Variants in IQCH observed in about 807,000 individuals in gnomAD.
IQCH encodes IQ motif containing H.
Under a neutral mutation model 117.0 loss-of-function variants are expected in IQCH, and 98 were observed. That is an observed-to-expected ratio of 0.84 (90% confidence interval 0.71 to 0.99). IQCH has a LOEUF of 0.99. Among genes scored for constraint, IQCH ranks in the 50% least tolerant of loss-of-function variants. IQCH has a pLI of 0.00. For synonymous variants in IQCH, 412 were observed against 448.2 expected, an observed-to-expected ratio of 0.92 and a Z score of 1.02; for missense variants, 1,102 against 1,243.8, an observed-to-expected ratio of 0.89 and a Z score of 1.72.
chr15:67,466,639 C>A lies in IQCH; in HGVS notation c.2676+1342C>A, dbSNP rs1257493975. Reference sequence around the variant, plus strand: ...GGGGCTCAGGCAGCTTTTTCCTTTCCCTCTTCTTCATCCAGTTGCCCAATC... The same window carrying A: ...GGGGCTCAGGCAGCTTTTTCCTTTCACTCTTCTTCATCCAGTTGCCCAATC... On this transcript the variant is annotated intron_variant, in intron 17 of 20. Coordinates refer to ENST00000335894, the MANE Select transcript of IQCH (RefSeq NM_001031715.3). This position sits in a 1 kb window ranked among gnomAD's most constrained non-coding sequence, Gnocchi z 4.4. 6.6e-6 allele frequency: 1 copy of A among 152,366 alleles called. No individual in the cohort carries two copies. The highest frequency in any genetic ancestry group is 6.5e-5 in the Admixed American group (1 of 15,278). 9.4% of individuals were successfully genotyped at this position (152,366 alleles called of 1,614,324 possible).
At chr15:67,400,684 G>A (rs999236398) in intron 14 of IQCH, among the ~76,000 whole-genome samples, 9 of 150,490 alleles carry the variant, frequency 6.0e-5, no homozygotes, top group Admixed American at 5.3e-4. Context: ...TTATTGGGAC[G>A]GGGAGGGTCT....
At position 67,465,136 on chromosome 15, in the gene IQCH, A is replaced by G; in HGVS notation, c.2515A>G (p.Thr839Ala). The G allele has an allele frequency of 1.2e-6, 2 of 1,613,964 alleles. No individual in the cohort carries two copies. Among genetic ancestry groups the G allele is most frequent in the South Asian group, 1.1e-5 (1 of 91,040 alleles). Residue 839 changes from threonine to alanine, a missense_variant, in exon 17 of 21, where the codon ACC (threonine) becomes GCC (alanine). Thr to Ala is a moderately conservative substitution (Grantham distance 58). This residue lies in a region of IQCH where 650 missense variants were observed against 794.3 expected (regional missense o/e 0.82). Transcript: ENST00000335894. This position sits in a 1 kb window ranked among gnomAD's most constrained non-coding sequence, Gnocchi z 5.9. The stretch of plus-strand genomic sequence containing the variant: ...CTCCTGTTTTAATCAGGTGTGGGCA[A>G]CCGGCCTTAACCTCGCATATAGTGA... ...PSTLEQQVWA[T>A]GLNLAYSDQL... is the part of the protein sequence containing the mutation.
At position 67,432,627 on chromosome 15, in the gene IQCH, C is replaced by T. The variant is rs1057472751; in HGVS notation, c.2505+11050C>T. On this transcript the variant is annotated intron_variant, in intron 16 of 20. Coordinates refer to ENST00000335894, the MANE Select transcript of IQCH (RefSeq NM_001031715.3). The surrounding 1 kb of genome is among the most constrained non-coding windows in gnomAD (Gnocchi z 5.0). ...GTCACAGGAGCCCTCAGCAGGTGCT[C>T]AAACTGTGAGTTGAATCAGAATTGA... Among the ~76,000 whole-genome samples the T allele has an allele frequency of 6.6e-6, 1 of 152,140 alleles. No individual in the cohort carries two copies. The highest frequency in any genetic ancestry group is 2.4e-5 in the African/African-American group (1 of 41,424).
At position 67,356,018 on chromosome 15, in the gene IQCH, T is replaced by C. The variant is rs1263477249; in HGVS notation, c.638-1327T>C. Among the ~76,000 whole-genome samples the C allele has an allele frequency of 6.6e-6, 1 of 152,198 alleles. No homozygotes were observed. Among genetic ancestry groups the C allele is most frequent in the Non-Finnish European group, 1.5e-5 (1 of 68,036 alleles). ...TTGTTTGAACATGGGAATTTAGCCA[T>C]AAATCTCACTTTTCTGCAAGAACCT... On this transcript the variant is annotated intron_variant, in intron 6 of 20. Coordinates refer to ENST00000335894, the MANE Select transcript of IQCH (RefSeq NM_001031715.3). The surrounding 1 kb of genome is among the most constrained non-coding windows in gnomAD (Gnocchi z 5.3).
At chr15:67,266,589 A>G (rs62014648) in intron 3 of IQCH, among the ~76,000 whole-genome samples, 3,483 of 152,220 alleles carry the variant, frequency 0.023, 91 homozygotes, top group South Asian at 0.041. Flanking sequence ...CCCGGGAGGC[A>G]GAGCTTGCAG....
chr15:67,260,221 C>T (rs954226598), intron 1 of IQCH, among the ~76,000 whole-genome samples: 1 of 152,126 alleles, frequency 6.6e-6, no homozygotes, highest in Non-Finnish European at 1.5e-5. Context: ...TAATTGGTGC[C>T]ATCTGTATTT....
intron 1 of IQCH, 51 bp from the exon 2 acceptor site, chr15:67,261,221 G>A (rs745685884): frequency 2.3e-6 from 3 of 1,306,422 alleles, no homozygotes; most frequent in African/African-American, 1.5e-5. Flanking sequence ...AACTGCTATA[G>A]GTGGACTATG....
rs150595129 is a variant in IQCH, at chr15:67,475,794, C to T, written c.2775C>T (p.Ala925=). The change falls in exon 18 of 21, where the codon GCC becomes GCT. Residue 925 remains alanine, a synonymous_variant. Coordinates refer to ENST00000335894, the MANE Select transcript of IQCH (RefSeq NM_001031715.3). The surrounding 1 kb of genome is among the most constrained non-coding windows in gnomAD (Gnocchi z 5.7). The part of the protein sequence containing the change: ...FHYVFLQICR[A]HGIGYDVEER... Reference sequence around the variant, plus strand: ...ATGTTTTTCTCCAGATCTGTAGGGCCCATGGCATTGGCTATGATGTTGAGG... The same window carrying T: ...ATGTTTTTCTCCAGATCTGTAGGGCTCATGGCATTGGCTATGATGTTGAGG... The T allele has an allele frequency of 5.0e-6, 8 of 1,613,968 alleles. No individual in the cohort carries two copies. The African/African-American group carries it at 9.3e-5, about 19-fold the overall frequency.
chr15:67,270,268 T>C (rs1427544848), intron 3 of IQCH, among the ~76,000 whole-genome samples: 2 of 152,240 alleles, frequency 1.3e-5, no homozygotes, highest in Admixed American at 1.3e-4. Context: ...GGAATAAACG[T>C]TGTGAAAGTG....
chr15:67,387,443 C>T lies in IQCH; in HGVS notation c.1457-1388C>T, dbSNP rs1256296774. Among the ~76,000 whole-genome samples, 3 of 152,106 alleles carry T rather than the reference C, an allele frequency of 2.0e-5. No individual in the cohort carries two copies. Among genetic ancestry groups the T allele is most frequent in the African/African-American group, 7.2e-5 (3 of 41,406 alleles). On this transcript the variant is annotated intron_variant, in intron 11 of 20. Coordinates refer to ENST00000335894, the MANE Select transcript of IQCH (RefSeq NM_001031715.3). This position sits in a 1 kb window ranked among gnomAD's most constrained non-coding sequence, Gnocchi z 4.8. ...TGACTCCTACATACTCCACACTGTG[C>T]CAGGGCTTAGGGGAATATAAGAAAT...
At chr15:67,350,297 C>T (rs1245528285) in intron 6 of IQCH, among the ~76,000 whole-genome samples, 1 of 152,172 alleles carries the variant, frequency 6.6e-6, no homozygotes, top group African/African-American at 2.4e-5. Flanking sequence ...ATTCTATTTA[C>T]ATGACATTTT....
At chr15:67,325,074 C>T (rs1178277040) in intron 4 of IQCH, among the ~76,000 whole-genome samples, 2 of 152,060 alleles carry the variant, frequency 1.3e-5, no homozygotes, top group Non-Finnish European at 2.9e-5. Flanking sequence ...TGACTTTGTC[C>T]TACAGGTCAC....
Position 67,342,740 on chromosome 15 carries a change from C to G in IQCH, c.509-1323C>G, listed in dbSNP as rs905896775. Among the ~76,000 whole-genome samples, 1 of 152,146 alleles carries G rather than the reference C, an allele frequency of 6.6e-6. No homozygotes were observed. The highest frequency in any genetic ancestry group is 2.4e-5 in the African/African-American group (1 of 41,438). ...CAAAAAGGTCCTAAAGTGTTATACT[C>G]TGGATCAGTAATTCTTAAGTGTTAA... On this transcript the variant is annotated intron_variant, in intron 5 of 20. Coordinates refer to ENST00000335894, the MANE Select transcript of IQCH (RefSeq NM_001031715.3). The surrounding 1 kb of genome is among the most constrained non-coding windows in gnomAD (Gnocchi z 4.7).
chr15:67,338,511 A>G (rs551153651), intron 5 of IQCH, among the ~76,000 whole-genome samples: 16 of 152,242 alleles, frequency 1.1e-4, no homozygotes, highest in Admixed American at 2.6e-4. Context: ...TACAGTGTCT[A>G]TATTTTTTTA....
At chr15:67,489,674 C>T (rs1040404524) in intron 18 of IQCH, among the ~76,000 whole-genome samples, 2 of 151,832 alleles carry the variant, frequency 1.3e-5, no homozygotes, top group African/African-American at 2.4e-5. Context: ...TTTTGATGTA[C>T]ACAAGAATCA....
intron 16 of IQCH, among the ~76,000 whole-genome samples, chr15:67,437,029 G>A (rs2082154849): frequency 6.6e-6 from 1 of 151,530 alleles, no homozygotes; most frequent in African/African-American, 2.4e-5. Flanking sequence ...CCCACTGCCA[G>A]TCCCTCTCCA....
intron 5 of IQCH, among the ~76,000 whole-genome samples, chr15:67,341,915 A>G (rs1969192993): frequency 6.6e-6 from 1 of 152,210 alleles, no homozygotes. Context: ...TTCTTATCAG[A>G]TTTCTACAAA....
At position 67,458,228 on chromosome 15, in the gene IQCH, A is replaced by G. The variant is rs868078652; in HGVS notation, c.2506-6899A>G. ...TCTGAAATCTTGATTTTACCCTCCAAGGTATTTCTCTGGCATTCTGCCCCA... is the reference window on the plus strand; with the variant it reads ...TCTGAAATCTTGATTTTACCCTCCAGGGTATTTCTCTGGCATTCTGCCCCA... On this transcript the variant is annotated intron_variant, in intron 16 of 20. Coordinates refer to ENST00000335894, the MANE Select transcript of IQCH (RefSeq NM_001031715.3). The surrounding 1 kb of genome is among the most constrained non-coding windows in gnomAD (Gnocchi z 4.1). Among the ~76,000 whole-genome samples the G allele has an allele frequency of 2.0e-4, 30 of 152,350 alleles. No individual in the cohort carries two copies. The South Asian group carries it at 4.1e-3, about 21-fold the overall frequency.
intron 8 of IQCH, among the ~76,000 whole-genome samples, chr15:67,363,113 C>G (rs1458702587): frequency 6.6e-6 from 1 of 151,958 alleles, no homozygotes; most frequent in Non-Finnish European, 1.5e-5. Context: ...GACTCATTCT[C>G]TCTCATAAAA....
Sources: gnomAD v4.1 joint callset for allele counts (sites outside exome capture counted in the v4.1 genomes callset) on GRCh38, gnomAD v4.1.1 for gene constraint, gnomAD v4.1.1 regional missense constraint, Gnocchi (gnomAD v3.1) non-coding constraint, MANE v1.5 for transcripts, NCBI Gene and HGNC (gene_info 2026-07-23, HGNC 2026-07-21) for gene names.